Variants in TMEM219 observed in about 807,000 individuals in gnomAD.
TMEM219 encodes insulin-like growth factor-binding protein 3 receptor.
TMEM219 carries 18 observed loss-of-function variants against 17.9 expected under a neutral mutation model. That is an observed-to-expected ratio of 1.01 (90% CI 0.70 to 1.49). TMEM219 has a LOEUF of 1.49. TMEM219 is among the 40% of genes most tolerant of loss of function. TMEM219 has a pLI of 0.00. For missense variants in TMEM219, 288 were observed against 292.4 expected (o/e 0.99, Z 0.11); for synonymous variants, 113 against 124.0 (o/e 0.91, Z 0.59).
In TMEM219 at chr16:29,971,438, C is replaced by T. The variant is rs1393828745; in HGVS notation, c.616C>T (p.Leu206=). 8.7e-6 allele frequency: 14 copies of T among 1,614,014 alleles called. No homozygotes were observed. The highest frequency in any genetic ancestry group is 8.3e-5 in the Admixed American group (5 of 60,000). Reference sequence around the variant, plus strand: ...GCTGGCTCTGTGTGGCTCCAGGCTGCTGGTCTTGGGCTCCTTCCTGCTTCT... The same window carrying T: ...GCTGGCTCTGTGTGGCTCCAGGCTGTTGGTCTTGGGCTCCTTCCTGCTTCT... The part of the protein sequence containing the change: ...EELALCGSRL[L]VLGSFLLLFC... The change falls in exon 5 of 6, where the codon CTG becomes TTG. Residue 206 remains leucine (L), a synonymous_variant. Transcript: ENST00000279396.
chr16:29,966,364 T>C (rs1015601252), intron 3 of TMEM219, among the ~76,000 whole-genome samples: 1 of 152,096 alleles, frequency 6.6e-6, no homozygotes, highest in Non-Finnish European at 1.5e-5. Flanking sequence ...CATTTAAATA[T>C]ATTATAGGTA....
rs2069286940 is a variant in TMEM219 at position 29,971,468 on chromosome 16, T to C, written c.646T>C (p.Cys216Arg). The change falls in exon 5 of 6, where the codon TGT becomes CGT. Residue 216 changes from cysteine to arginine, a missense_variant. Coordinates refer to ENST00000279396, the MANE Select transcript of TMEM219 (RefSeq NM_001083613.2). ...LVLGSFLLLFCGLLCCVTAMC... is the reference protein window; with the variant it reads ...LVLGSFLLLFRGLLCCVTAMC... ...CTTGGGCTCCTTCCTGCTTCTCTTC[T>C]GTGGCCTTCTCTGCTGTGTCACTGC... The C allele has an allele frequency of 1.9e-6, 3 of 1,614,188 alleles. No individual in the cohort carries two copies. The highest frequency in any genetic ancestry group is 2.2e-5 in the East Asian group (1 of 44,874).
chr16:29,969,192 CTTTT>C (rs1197231032), intron 4 of TMEM219, among the ~76,000 whole-genome samples: 2 of 122,990 alleles, frequency 1.6e-5, no homozygotes, highest in African/African-American at 3.0e-5. Context: ...TTCTTTTTCG[CTTTT>C]TTTTTTTTTT....
In TMEM219 at chr16:29,962,131, G is replaced by A. The variant is rs1250991191; in HGVS notation, c.-39G>A. ...GCGCCGGCCTCCGCCCGGCCCCGAG[G>A]GGTAAGAGCGAGCGGCTGGCGGATC... On this transcript the variant is annotated splice_region_variant and 5_prime_UTR_variant, in exon 1 of 6. Coordinates refer to ENST00000279396, the MANE Select transcript of TMEM219 (RefSeq NM_001083613.2). 1 of 152,034 alleles carries A rather than the reference G, an allele frequency of 6.6e-6. No individual in the cohort carries two copies. The highest frequency in any genetic ancestry group is 2.4e-5 in the African/African-American group (1 of 41,408). 9.4% of individuals were successfully genotyped at this position (152,034 alleles called of 1,614,324 possible). A position where few individuals can be genotyped will look rare whatever the true frequency, so the allele number is the denominator to read the frequency against.
At chr16:29,971,603 C>CTCCCGCAGGACT in intron 5 of TMEM219, 25 bp downstream of exon 5, 1 of 339,622 alleles carries the variant, frequency 2.9e-6, no homozygotes, top group Non-Finnish European at 5.0e-6. Context: ...TCCAGTCCTG[C>CTCCCGCAGGACT]GGGAGCAGGG....
intron 4 of TMEM219, 72 bp from the exon 5 acceptor site, chr16:29,971,336 T>G: frequency 5.7e-6 from 9 of 1,576,486 alleles, no homozygotes; most frequent in Non-Finnish European, 7.8e-6. Context: ...CTCTCCCTCA[T>G]GGAGGCTCCT....
Position 29,963,576 on chromosome 16 carries a change from G to C in TMEM219, c.342G>C (p.Gln114His). 1 of 1,613,934 alleles carries C rather than the reference G, an allele frequency of 6.2e-7. No individual in the cohort carries two copies. The highest frequency in any genetic ancestry group is 8.5e-7 in the Non-Finnish European group (1 of 1,179,932). Reference protein sequence around the residue: ...RTFQATVLGSQMGLKGSSAGQ... With the variant: ...RTFQATVLGSHMGLKGSSAGQ... The stretch of plus-strand genomic sequence containing the variant: ...TCCAGGCCACAGTCCTGGGAAGTCA[G>C]ATGGGATTGAAAGGTGAGATCAGAG... The change falls in exon 3 of 6, where the codon CAG (glutamine) becomes CAC (histidine). Residue 114 changes from glutamine (Q) to histidine (H), a missense_variant. Coordinates refer to ENST00000279396, the MANE Select transcript of TMEM219 (RefSeq NM_001083613.2).
At chr16:29,964,637 G>A (rs1443068282) in intron 3 of TMEM219, among the ~76,000 whole-genome samples, 1 of 152,046 alleles carries the variant, frequency 6.6e-6, no homozygotes, top group Non-Finnish European at 1.5e-5. Context: ...CTCTAGCCTG[G>A]GCAACAGAGA....
chr16:29,967,434 C>A (rs910045516), intron 3 of TMEM219, among the ~76,000 whole-genome samples: 1 of 152,002 alleles, frequency 6.6e-6, no homozygotes, highest in African/African-American at 2.4e-5. Context: ...TACAGTGATA[C>A]CCTGTCTCTA....
chr16:29,967,972 G>T lies in TMEM219; in HGVS notation c.356-53G>T. The T allele has an allele frequency of 4.4e-6, 6 of 1,357,230 alleles. No homozygotes were observed. In the South Asian group the frequency reaches 4.7e-5, roughly 11 times the overall value. 84.1% of individuals were successfully genotyped at this position (1,357,230 alleles called of 1,614,324 possible). A position where few individuals can be genotyped will look rare whatever the true frequency, so the allele number is the denominator to read the frequency against. On this transcript the variant is annotated intron_variant, in intron 3 of 5. Transcript: ENST00000279396. The stretch of plus-strand genomic sequence containing the variant: ...CAAGAAAAGAAGCGTGAAGACAGAG[G>T]CTCCCGCGTCACCTCTCATTTTCTT...
In TMEM219 at chr16:29,963,477, A is replaced by G. The variant is rs756276663; in HGVS notation, c.243A>G (p.Arg81=). 1 of 1,614,192 alleles carries G rather than the reference A, an allele frequency of 6.2e-7. No individual in the cohort carries two copies. The highest frequency in any genetic ancestry group is 8.5e-7 in the Non-Finnish European group (1 of 1,180,020). The change falls in exon 3 of 6, where the codon CGA becomes CGG. Residue 81 remains arginine, a synonymous_variant. Transcript: ENST00000279396. ...ATGGGACAGTCACAGGGAAGTGGCG[A>G]GGGTCTCACGTCGTGGGCTTGCTGA... ...PRNGTVTGKW[R]GSHVVGLLTT... is the part of the protein sequence containing the mutation.
intron 3 of TMEM219, among the ~76,000 whole-genome samples, chr16:29,965,497 T>C (rs1435772434): frequency 6.6e-6 from 1 of 150,904 alleles, no homozygotes; most frequent in Non-Finnish European, 1.5e-5. Flanking sequence ...GGCAGGCAGA[T>C]TGCTTGAGCG....
rs899764398 is a variant in TMEM219 at position 29,965,649 on chromosome 16, T to C, written c.355+2060T>C. 2.0e-5 allele frequency among the ~76,000 whole-genome samples: 3 copies of C among 151,794 alleles called. No homozygotes were observed. The East Asian group carries it at 5.8e-4, about 30-fold the overall frequency. On this transcript the variant is annotated intron_variant, in intron 3 of 5. Coordinates refer to ENST00000279396, the MANE Select transcript of TMEM219 (RefSeq NM_001083613.2). The stretch of plus-strand genomic sequence containing the variant: ...GGGAGGCTAAGGTGGGAGGATTGCT[T>C]ATCCCTGGGAGGCAGGGCTTGCAGT...
intron 4 of TMEM219, among the ~76,000 whole-genome samples, chr16:29,970,184 A>ATT (rs2150866436): frequency 6.6e-6 from 1 of 151,038 alleles, no homozygotes; most frequent in African/African-American, 2.4e-5. Context: ...TAGTGAGCTG[A>ATT]GATCATGCCA....
chr16:29,971,701 CTCT>C, intron 5 of TMEM219, 123 bp downstream of exon 5: 8 of 909,428 alleles, frequency 8.8e-6, no homozygotes, highest in Non-Finnish European at 1.3e-5. Flanking sequence ...CCCCGAGAAC[CTCT>C]TCAACCACAG....
chr16:29,971,786 T>C (rs546386213), intron 5 of TMEM219: 51 of 415,210 alleles, frequency 1.2e-4, no homozygotes, highest in Non-Finnish European at 2.2e-4. Context: ...TTAACTTTTT[T>C]ATTATAAAAT....
intron 3 of TMEM219, among the ~76,000 whole-genome samples, chr16:29,964,408 G>C (rs1351612553): frequency 6.6e-6 from 1 of 151,610 alleles, no homozygotes; most frequent in Admixed American, 6.6e-5. Flanking sequence ...GCTTGAACCC[G>C]GGAGGTGGAG....
chr16:29,968,935 CCTT>C (rs562791652), intron 4 of TMEM219, among the ~76,000 whole-genome samples: 1 of 152,198 alleles, frequency 6.6e-6, no homozygotes, highest in Non-Finnish European at 1.5e-5. Context: ...GCAACCCACA[CCTT>C]CTGTCAAGTC....
chr16:29,966,717 G>A (rs1191123831), intron 3 of TMEM219, among the ~76,000 whole-genome samples: 1 of 152,178 alleles, frequency 6.6e-6, no homozygotes, highest in Non-Finnish European at 1.5e-5. Context: ...TCACAAGGCT[G>A]AGGCAGGAGA....
Sources: allele counts gnomAD v4.1 joint callset (sites outside exome capture counted in the v4.1 genomes callset), GRCh38; gene constraint gnomAD v4.1.1; transcripts MANE v1.5; gene names NCBI Gene and HGNC (gene_info 2026-07-23, HGNC 2026-07-21).